Variants in DNAH8 observed in about 807,000 individuals in gnomAD.
DNAH8 encodes the protein dynein axonemal heavy chain 8.
DNAH8 carries 382 observed loss-of-function variants against 562.1 expected under a neutral mutation model. The ratio of observed to expected loss-of-function variants is 0.68; its 90% CI spans 0.63 to 0.74. The LOEUF is 0.74. Among genes scored for constraint, DNAH8 ranks in the 30% least tolerant of loss-of-function variants. The pLI is 0.00. For missense variants in DNAH8, 5,203 were observed against 5,620.4 expected (o/e 0.93, Z 2.37); for synonymous variants, 1,881 against 1,919.4 (o/e 0.98, Z 0.52).
intron 41 of DNAH8, among the ~76,000 whole-genome samples, chr6:38,854,062 ACCAATT>A (rs1775988516): frequency 6.6e-6 from 1 of 152,060 alleles, no homozygotes; most frequent in Non-Finnish European, 1.5e-5. Flanking sequence ...ATATATATAC[ACCAATT>A]CATAGATATG....
At chr6:39,026,355 T>G (rs1360935961) in intron 91 of DNAH8, among the ~76,000 whole-genome samples, 191 bp from the exon 92 acceptor site, 1 of 152,184 alleles carries the variant, frequency 6.6e-6, no homozygotes, top group Non-Finnish European at 1.5e-5. Flanking sequence ...CGAGAAAGAT[T>G]TAGCTCATTG....
chr6:38,783,276 G>T, intron 17 of DNAH8, 137 bp downstream of exon 17: 1 of 644,986 alleles, frequency 1.6e-6, no homozygotes, highest in Non-Finnish European at 2.5e-6. Flanking sequence ...ATGCTACAGT[G>T]GTTTATTTGT....
At position 38,781,156 on chromosome 6, in the gene DNAH8, CATGA is replaced by C. The variant is rs372784024; in HGVS notation, c.2140-95_2140-92del. On this transcript the variant is annotated intron_variant, in intron 15 of 92. Coordinates refer to ENST00000327475, the MANE Select transcript of DNAH8 (RefSeq NM_001206927.2). ...TATTGACTACCTACTGTATATAAAA[CATGA>C]ATAATGATAAAACAATACAAATATA... The C allele has an allele frequency of 6.6e-5, 89 of 1,349,854 alleles. 1 individual carries two copies. In the African/African-American group the frequency reaches 1.1e-3, roughly 16 times the overall value. The allele number at this position is 1,349,854 out of a possible 1,614,324, so 83.6% of individuals were successfully genotyped here. A position where few individuals can be genotyped will look rare whatever the true frequency, so the allele number is the denominator to read the frequency against.
intron 4 of DNAH8, among the ~76,000 whole-genome samples, chr6:38,732,570 A>C (rs1055186707): frequency 4.6e-5 from 7 of 152,168 alleles, no homozygotes; most frequent in African/African-American, 1.7e-4. Context: ...TGGATAACAA[A>C]ATTTAGAACT....
Position 38,832,427 on chromosome 6 carries a change from T to A in DNAH8, c.4294T>A (p.Tyr1432Asn). Residue 1432 changes from tyrosine (Y) to asparagine (N), a missense_variant, in exon 31 of 93, where the codon TAT becomes AAT. This residue lies in a region of DNAH8 where 2,176 missense variants were observed against 2,365.1 expected (regional missense o/e 0.92). Coordinates refer to ENST00000327475, the MANE Select transcript of DNAH8 (RefSeq NM_001206927.2). ...REDVINFAEA[Y>N]ELEGPMVPNI... ...GGACGTGATAAACTTTGCAGAAGCA[T>A]ATGAATTGGTAATTTAAGTATTTTC... 1 of 1,569,370 alleles carries A rather than the reference T, an allele frequency of 6.4e-7. No individual in the cohort carries two copies. The highest frequency in any genetic ancestry group is 8.8e-7 in the Non-Finnish European group (1 of 1,140,062).
intron 26 of DNAH8, among the ~76,000 whole-genome samples, chr6:38,819,641 A>T (rs1398231654): frequency 6.6e-5 from 10 of 152,154 alleles, no homozygotes; most frequent in African/African-American, 2.4e-4. Flanking sequence ...TTTACTAGAG[A>T]TCTTCATTAT....
intron 84 of DNAH8, 134 bp downstream of exon 84, chr6:38,973,947 C>T: frequency 1.7e-6 from 1 of 602,194 alleles, no homozygotes; most frequent in South Asian, 2.6e-5. Flanking sequence ...TACTATAATA[C>T]TATAATCATC....
intron 61 of DNAH8, 101 bp downstream of exon 61, chr6:38,898,481 A>G: frequency 9.8e-7 from 1 of 1,019,870 alleles, no homozygotes; most frequent in South Asian, 2.1e-5. Context: ...ACTATCAGGT[A>G]CCGTATAGAA....
intron 28 of DNAH8, among the ~76,000 whole-genome samples, chr6:38,825,825 C>A (rs144557646): frequency 6.6e-6 from 1 of 151,982 alleles, no homozygotes. Flanking sequence ...GAGAAAAATG[C>A]GAGAATGAAT....
chr6:38,778,643 G>A (rs1768290351), intron 14 of DNAH8, among the ~76,000 whole-genome samples, 179 bp downstream of exon 14: 1 of 152,142 alleles, frequency 6.6e-6, no homozygotes, highest in Non-Finnish European at 1.5e-5. Context: ...AGAATGATAT[G>A]TTCTAATTGC....
chr6:39,022,822 C>T (rs1245877068), intron 91 of DNAH8, among the ~76,000 whole-genome samples: 1 of 152,216 alleles, frequency 6.6e-6, no homozygotes, highest in Non-Finnish European at 1.5e-5. Flanking sequence ...CTACCCCCAT[C>T]CCACCCTGCA....
intron 34 of DNAH8, 44 bp downstream of exon 34, chr6:38,842,549 T>A (rs370524104): frequency 1.3e-6 from 2 of 1,593,668 alleles, no homozygotes; most frequent in South Asian, 2.3e-5. Flanking sequence ...CTTCTTAGGA[T>A]CCTATAGGTA....
chr6:39,028,127 C>T (rs1243567398), intron 92 of DNAH8, among the ~76,000 whole-genome samples: 2 of 152,168 alleles, frequency 1.3e-5, no homozygotes, highest in Non-Finnish European at 2.9e-5. Flanking sequence ...CACCAACAAT[C>T]TCTTTTAGGC....
At position 38,875,848 on chromosome 6, in the gene DNAH8, C is replaced by T. The variant is rs183425377; in HGVS notation, c.7858+20C>T. 2 of 1,496,718 alleles carry T rather than the reference C, an allele frequency of 1.3e-6. No homozygotes were observed. Among genetic ancestry groups the T allele is most frequent in the Non-Finnish European group, 1.8e-6 (2 of 1,085,360 alleles). 92.7% of individuals were successfully genotyped at this position (1,496,718 alleles called of 1,614,324 possible). ...ATTATGGTAAGCCCACTGAACTATA[C>T]CTTAAATGAAATGACTTTTTTCAAA... On this transcript the variant is annotated intron_variant, in intron 53 of 92. Coordinates refer to ENST00000327475, the MANE Select transcript of DNAH8 (RefSeq NM_001206927.2).
chr6:38,952,708 C>CTT (rs1256877670), intron 82 of DNAH8, among the ~76,000 whole-genome samples: 4 of 152,166 alleles, frequency 2.6e-5, no homozygotes, highest in Non-Finnish European at 4.4e-5. Context: ...TGACTTCACT[C>CTT]TATTTGTTGT....
intron 53 of DNAH8, among the ~76,000 whole-genome samples, chr6:38,878,686 A>G (rs1477392031): frequency 6.6e-6 from 1 of 152,212 alleles, no homozygotes; most frequent in East Asian, 1.9e-4. Flanking sequence ...TATATTAGAA[A>G]CAACTTTGCA....
chr6:38,953,271 A>C (rs971558387), intron 82 of DNAH8, among the ~76,000 whole-genome samples: 2 of 152,204 alleles, frequency 1.3e-5, no homozygotes, highest in African/African-American at 4.8e-5. Flanking sequence ...TAGAAACCTT[A>C]TGTACAGAGC....
chr6:38,924,075 A>G lies in DNAH8; in HGVS notation c.10875A>G (p.Lys3625=). The G allele has an allele frequency of 1.9e-6, 3 of 1,614,096 alleles. No individual in the cohort carries two copies. Among genetic ancestry groups the G allele is most frequent in the Non-Finnish European group, 2.5e-6 (3 of 1,179,954 alleles). ...FNQIFRNYLL[K]DQWEMELRAR... is the part of the protein sequence containing the mutation. ...AGATATTTAGGAACTATTTGCTTAA[A>G]GATCAATGGGAAATGGAGTTGAGAG... Residue 3625 remains lysine, a synonymous_variant, in exon 73 of 93, where the codon AAA becomes AAG. Transcript: ENST00000327475.
intron 88 of DNAH8, among the ~76,000 whole-genome samples, chr6:38,996,636 C>T (rs2150743112): frequency 6.6e-6 from 1 of 152,262 alleles, no homozygotes; most frequent in Admixed American, 6.5e-5. Flanking sequence ...AGGATGCAGG[C>T]CTAGAATAGG....
Sources: gnomAD v4.1 joint callset for allele counts (sites outside exome capture counted in the v4.1 genomes callset) on GRCh38, gnomAD v4.1.1 for gene constraint, gnomAD v4.1.1 regional missense constraint, MANE v1.5 for transcripts, NCBI Gene and HGNC (gene_info 2026-07-23, HGNC 2026-07-21) for gene names.